LRRC4C: variants seen among roughly 807,000 people sequenced by gnomAD.
The protein encoded by LRRC4C is leucine-rich repeat-containing protein 4C.
LRRC4C carries 5 observed loss-of-function variants against 33.6 expected under a neutral mutation model. That is an observed-to-expected ratio of 0.15 (90% CI 0.08 to 0.31). The LOEUF is 0.31. Ranked by LOEUF, LRRC4C falls within the 10% of genes least tolerant of loss-of-function variation. The probability of loss-of-function intolerance (pLI) is 1.00; values close to 1 mark genes in which losing one functional copy is unlikely to be tolerated. For synonymous variants in LRRC4C, 329 were observed against 302.0 expected (o/e 1.09, Z -0.93); for missense variants, 560 against 796.7 (o/e 0.70, Z 3.58).
intron 4 of LRRC4C, among the ~76,000 whole-genome samples, chr11:40,288,195 T>C (rs1479209839): frequency 2.0e-5 from 3 of 152,174 alleles, no homozygotes; most frequent in Non-Finnish European, 4.4e-5. Context: ...AGCTGAGTAT[T>C]TGAATTCACT....
intron 4 of LRRC4C, among the ~76,000 whole-genome samples, chr11:40,275,837 C>T (rs927331250): frequency 2.0e-5 from 3 of 152,058 alleles, no homozygotes; most frequent in Non-Finnish European, 4.4e-5. Flanking sequence ...AATCACAAAG[C>T]ATCTATAGAC....
intron 1 of LRRC4C, among the ~76,000 whole-genome samples, chr11:41,194,242 CT>C (rs1434357489): frequency 2.6e-5 from 4 of 151,934 alleles, no homozygotes; most frequent in African/African-American, 9.7e-5. Flanking sequence ...CAACAGTAGG[CT>C]ATTAGTATTT....
chr11:41,203,153 A>G (rs1334033172), intron 1 of LRRC4C, among the ~76,000 whole-genome samples: 1 of 152,138 alleles, frequency 6.6e-6, no homozygotes, highest in Non-Finnish European at 1.5e-5. Context: ...CCTTCAGTCC[A>G]CATTTACTGT....
At chr11:40,452,035 C>A (rs1741590204) in intron 3 of LRRC4C, among the ~76,000 whole-genome samples, 1 of 152,180 alleles carries the variant, frequency 6.6e-6, no homozygotes, top group Non-Finnish European at 1.5e-5. Flanking sequence ...CAGGGAATTC[C>A]CTTTCCTAGC....
At chr11:40,993,724 G>A (rs144499353) in intron 1 of LRRC4C, among the ~76,000 whole-genome samples, 1 of 152,008 alleles carries the variant, frequency 6.6e-6, no homozygotes, top group East Asian at 1.9e-4. Context: ...TGTTACACAA[G>A]TCACCAGAGA....
intron 2 of LRRC4C, among the ~76,000 whole-genome samples, chr11:40,701,055 A>G (rs945675867): frequency 2.0e-5 from 3 of 152,186 alleles, no homozygotes; most frequent in African/African-American, 7.2e-5. Context: ...TCAAGAAAAT[A>G]TACATCATAT....
intron 5 of LRRC4C, among the ~76,000 whole-genome samples, chr11:40,240,789 T>C (rs1384187348): frequency 6.6e-6 from 1 of 152,070 alleles, no homozygotes; most frequent in Non-Finnish European, 1.5e-5. Flanking sequence ...TAACACAATA[T>C]AGGTAATAAT....
intron 1 of LRRC4C, among the ~76,000 whole-genome samples, chr11:41,291,061 A>T (rs866528729): frequency 3.3e-5 from 5 of 152,214 alleles, no homozygotes; most frequent in South Asian, 4.1e-4. Context: ...AAATTAAAAT[A>T]AATTTTCCTC....
At chr11:40,620,057 TGAAAAA>T (rs1458693978) in intron 3 of LRRC4C, among the ~76,000 whole-genome samples, 1 of 35,186 alleles carries the variant, frequency 2.8e-5, no homozygotes, top group Non-Finnish European at 6.1e-5. Flanking sequence ...AAAAAATACC[TGAAAAA>T]AAAAAAAAAA....
At chr11:41,421,242 A>G (rs1954863523) in intron 1 of LRRC4C, among the ~76,000 whole-genome samples, 1 of 152,016 alleles carries the variant, frequency 6.6e-6, no homozygotes, top group Non-Finnish European at 1.5e-5. Context: ...CAGATAGAAA[A>G]TCCCAACCAT....
intron 5 of LRRC4C, among the ~76,000 whole-genome samples, chr11:40,224,123 C>G (rs1008976402): frequency 6.6e-6 from 1 of 152,124 alleles, no homozygotes; most frequent in African/African-American, 2.4e-5. Flanking sequence ...AGCTTTTATT[C>G]CTCAAGTGAT....
intron 1 of LRRC4C, among the ~76,000 whole-genome samples, chr11:41,017,783 TTAA>T (rs961153571): frequency 1.3e-5 from 2 of 149,736 alleles, no homozygotes; most frequent in Non-Finnish European, 3.0e-5. Flanking sequence ...ATAATATATA[TTAA>T]TAATTTGGGT....
intron 1 of LRRC4C, among the ~76,000 whole-genome samples, chr11:41,062,853 T>G (rs1937894740): frequency 6.6e-6 from 1 of 152,050 alleles, no homozygotes; most frequent in Non-Finnish European, 1.5e-5. Context: ...AGACAGCCAT[T>G]TGAAGACAGA....
intron 5 of LRRC4C, among the ~76,000 whole-genome samples, chr11:40,183,215 T>TTC (rs1861150561): frequency 6.6e-6 from 1 of 152,202 alleles, no homozygotes; most frequent in Non-Finnish European, 1.5e-5. Context: ...TTTTTCTCTT[T>TTC]AAAAGTCATC....
At chr11:41,118,227 T>C (rs1942240518) in intron 1 of LRRC4C, among the ~76,000 whole-genome samples, 2 of 152,204 alleles carry the variant, frequency 1.3e-5, no homozygotes, top group Non-Finnish European at 2.9e-5. Context: ...TTTTTCTAGC[T>C]GATTATGCAC....
chr11:40,451,366 C>CTTTTTTTTTTT lies in LRRC4C; in HGVS notation c.-269-131656_-269-131646dup, dbSNP rs71060962. Among the ~76,000 whole-genome samples, 10 of 47,088 alleles carry CTTTTTTTTTTT rather than the reference C, an allele frequency of 2.1e-4. 3 individuals carry two copies. Among genetic ancestry groups the CTTTTTTTTTTT allele is most frequent in the African/African-American group, 4.6e-4 (5 of 10,754 alleles). 30.9% of individuals were successfully genotyped at this position (47,088 alleles called of 152,430 possible). On this transcript the variant is annotated intron_variant, in intron 3 of 6. Coordinates refer to ENST00000528697, the MANE Select transcript of LRRC4C (RefSeq NM_001258419.2). ...ACTATTAGCCTTACAGAAATAATGA[C>CTTTTTTTTTTT]TTTTTTTTTTTTTTTTTTTTTTTTT... is the stretch of plus-strand genomic sequence containing the variant.
At chr11:40,257,752 A>G (rs1177671250) in intron 4 of LRRC4C, among the ~76,000 whole-genome samples, 1 of 152,164 alleles carries the variant, frequency 6.6e-6, no homozygotes, top group African/African-American at 2.4e-5. Flanking sequence ...TCTGGATATG[A>G]TGCCTGCAAT....
intron 4 of LRRC4C, among the ~76,000 whole-genome samples, chr11:40,285,130 C>T (rs1003562157): frequency 6.6e-6 from 1 of 152,108 alleles, no homozygotes; most frequent in African/African-American, 2.4e-5. Context: ...TTAATCCTCA[C>T]TTAGAAAACA....
In LRRC4C at chr11:40,869,064, G is replaced by A. The variant is rs144346546; in HGVS notation, c.-407+64571C>T. Among the ~76,000 whole-genome samples the A allele has an allele frequency of 4.4e-3, 372 of 84,634 alleles. 4 individuals are homozygous for A. Among genetic ancestry groups the A allele is most frequent in the African/African-American group, 0.014 (340 of 25,064 alleles). 55.5% of individuals were successfully genotyped at this position (84,634 alleles called of 152,430 possible). ...CATTCAGCCTTGAAGACAAACCTGT[G>A]GGGGATAGATTATTTCCATTTAGAA... is the stretch of plus-strand genomic sequence containing the variant. On this transcript the variant is annotated intron_variant, in intron 2 of 6. Transcript: ENST00000528697.
Sources: gnomAD v4.1 joint callset for allele counts (sites outside exome capture counted in the v4.1 genomes callset) on GRCh38, gnomAD v4.1.1 for gene constraint, MANE v1.5 for transcripts, NCBI Gene and HGNC (gene_info 2026-07-23, HGNC 2026-07-21) for gene names.